The following RORA variants were observed in gnomAD, a reference collection of about 807,000 sequenced individuals.
RORA encodes the protein nuclear receptor ROR-alpha.
A neutral mutation model predicts 69.5 loss-of-function variants in RORA; 7 were observed. The ratio of observed to expected loss-of-function variants is 0.10; its 90% CI spans 0.06 to 0.19. The LOEUF (loss-of-function observed/expected upper bound fraction) is 0.19, where lower values mean the gene tolerates loss of function less well. Among genes scored for constraint, RORA ranks in the 10% least tolerant of loss-of-function variants. The pLI is 1.00. For synonymous variants in RORA, 261 were observed against 240.8 expected, an observed-to-expected ratio of 1.08 and a Z score of -0.78; for missense variants, 457 against 663.0, an observed-to-expected ratio of 0.69 and a Z score of 3.41.
At chr15:61,045,821 C>T (rs556050616) in intron 1 of RORA, among the ~76,000 whole-genome samples, 74 of 152,338 alleles carry the variant, frequency 4.9e-4, no homozygotes, top group Middle Eastern at 3.4e-3. Flanking sequence ...AACGGAATGT[C>T]TGATCACTTT....
At chr15:60,502,060 A>C (rs2065347483) in intron 8 of RORA, among the ~76,000 whole-genome samples, 1 of 152,152 alleles carries the variant, frequency 6.6e-6, no homozygotes, top group Non-Finnish European at 1.5e-5. Context: ...AGCTCAGTTA[A>C]ACCTCCACCT....
At chr15:60,614,657 C>T (rs940504146) in intron 2 of RORA, among the ~76,000 whole-genome samples, 1 of 152,114 alleles carries the variant, frequency 6.6e-6, no homozygotes, top group Non-Finnish European at 1.5e-5. Flanking sequence ...GGAGAAAGAA[C>T]AAGGTCTTCA....
intron 1 of RORA, among the ~76,000 whole-genome samples, chr15:60,861,674 T>G (rs1172627359): frequency 2.0e-5 from 3 of 152,206 alleles, no homozygotes; most frequent in African/African-American, 7.2e-5. Context: ...TTTAAAAGCA[T>G]AATAAATACT....
At chr15:60,702,771 A>G (rs901266143) in intron 1 of RORA, among the ~76,000 whole-genome samples, 2 of 152,204 alleles carry the variant, frequency 1.3e-5, no homozygotes, top group Non-Finnish European at 2.9e-5. Context: ...AGATTTTTCT[A>G]TGATGCTATG....
chr15:60,751,570 A>G (rs931547857), intron 1 of RORA, among the ~76,000 whole-genome samples: 8 of 152,144 alleles, frequency 5.3e-5, no homozygotes, highest in African/African-American at 9.7e-5. Context: ...AGAGATAAGT[A>G]CCTTGACCAA....
chr15:60,831,262 G>A (rs78204633), intron 1 of RORA, among the ~76,000 whole-genome samples: 3,399 of 152,278 alleles, frequency 0.022, 40 homozygotes, highest in Non-Finnish European at 0.031. Context: ...CTTCTAATGA[G>A]GGGAGGTTAC....
At chr15:60,840,195 T>A (rs1432155696) in intron 1 of RORA, among the ~76,000 whole-genome samples, 1 of 152,172 alleles carries the variant, frequency 6.6e-6, no homozygotes, top group African/African-American at 2.4e-5. Context: ...GAGAACTAGG[T>A]TTCCTTTGAC....
At chr15:60,837,285 A>T (rs1191464841) in intron 1 of RORA, among the ~76,000 whole-genome samples, 1 of 152,136 alleles carries the variant, frequency 6.6e-6, no homozygotes, top group Non-Finnish European at 1.5e-5. Flanking sequence ...GTTTGTGTCA[A>T]TATATCAAAT....
In RORA at chr15:60,946,419, C is replaced by T. The variant is rs566446196; in HGVS notation, c.167-267733G>A. Among the ~76,000 whole-genome samples the T allele has an allele frequency of 4.1e-3, 618 of 152,342 alleles. 2 individuals carry two copies. The highest frequency in any genetic ancestry group is 6.6e-3 in the Non-Finnish European group (451 of 68,040). ...AGTGCCTGCGATTGCAGGCGCGCGC[C>T]GCCACGCCTGACTGGTTTTCGTATT... On this transcript the variant is annotated intron_variant, in intron 1 of 10. Transcript: ENST00000335670.
intron 1 of RORA, among the ~76,000 whole-genome samples, chr15:61,192,356 G>C (rs2079808565): frequency 6.6e-6 from 1 of 152,212 alleles, no homozygotes; most frequent in Admixed American, 6.5e-5. Flanking sequence ...GGCTACAAGG[G>C]ATCCAGCATA....
chr15:60,868,352 G>C (rs2073513235), intron 1 of RORA, among the ~76,000 whole-genome samples: 1 of 152,188 alleles, frequency 6.6e-6, no homozygotes, highest in Admixed American at 6.5e-5. Flanking sequence ...GGAGGTCACT[G>C]TGAATAGTAT....
At position 61,183,207 on chromosome 15, in the gene RORA, C is replaced by T. The variant is rs970267965; in HGVS notation, c.166+45846G>A. 2.0e-5 allele frequency: 3 copies of T among 152,214 alleles called. No individual in the cohort carries two copies. In the South Asian group the frequency reaches 6.2e-4, roughly 32 times the overall value. 9.4% of individuals were successfully genotyped at this position (152,214 alleles called of 1,614,324 possible). A position where few individuals can be genotyped will look rare whatever the true frequency, so the allele number is the denominator to read the frequency against. On this transcript the variant is annotated intron_variant, in intron 1 of 10. Transcript: ENST00000335670. The stretch of plus-strand genomic sequence containing the variant: ...GCAGGAGTTGCCTGTACTATCTTTA[C>T]AACTGTTCTGCAAGTCTAAAAGTTA...
chr15:60,567,576 A>C (rs1022609843), intron 2 of RORA, among the ~76,000 whole-genome samples: 4 of 151,766 alleles, frequency 2.6e-5, no homozygotes, highest in African/African-American at 9.7e-5. Context: ...ACACCCAACT[A>C]ATTTTTGTAT....
chr15:60,866,281 C>T (rs1048043035), intron 1 of RORA, among the ~76,000 whole-genome samples: 2 of 152,126 alleles, frequency 1.3e-5, no homozygotes, highest in Non-Finnish European at 2.9e-5. Flanking sequence ...TTTTAGCTCC[C>T]ACATATTAAA....
At chr15:60,643,987 G>A (rs1470837541) in intron 2 of RORA, among the ~76,000 whole-genome samples, 1 of 152,094 alleles carries the variant, frequency 6.6e-6, no homozygotes, top group Non-Finnish European at 1.5e-5. Context: ...GGGAATGTCT[G>A]TGCATTTCTC....
chr15:60,907,759 A>G (rs923105586), intron 1 of RORA, among the ~76,000 whole-genome samples: 9 of 152,148 alleles, frequency 5.9e-5, no homozygotes, highest in African/African-American at 2.2e-4. Flanking sequence ...ACGTACAAAT[A>G]GCATTTGCTG....
Position 60,904,852 on chromosome 15 carries a change from G to A in RORA, c.167-226166C>T, listed in dbSNP as rs576174633. Among the ~76,000 whole-genome samples, 3 of 152,206 alleles carry A rather than the reference G, an allele frequency of 2.0e-5. No individual in the cohort carries two copies. The South Asian group carries it at 6.2e-4, about 32-fold the overall frequency. ...AGAAACAATAAAGAAAAATAGGGGT[G>A]GTGTGGTTTGGGGTGGTCAAGGCCA... On this transcript the variant is annotated intron_variant, in intron 1 of 10. Transcript: ENST00000335670.
chr15:61,058,621 A>G (rs190581990), intron 1 of RORA, among the ~76,000 whole-genome samples: 7 of 152,194 alleles, frequency 4.6e-5, no homozygotes, highest in African/African-American at 1.7e-4. Context: ...AAAATTGCTG[A>G]TAACTAAGCC....
chr15:61,063,677 C>T (rs561950973), intron 1 of RORA, among the ~76,000 whole-genome samples: 1 of 152,274 alleles, frequency 6.6e-6, no homozygotes, highest in African/African-American at 2.4e-5. Flanking sequence ...TATCTGCCTG[C>T]TGAGGAGATT....
Sources: allele counts gnomAD v4.1 joint callset (sites outside exome capture counted in the v4.1 genomes callset), GRCh38; gene constraint gnomAD v4.1.1; transcripts MANE v1.5; gene names NCBI Gene and HGNC (gene_info 2026-07-23, HGNC 2026-07-21).